NEBL: variants seen among roughly 807,000 people sequenced by gnomAD.
NEBL encodes nebulette.
A neutral mutation model predicts 140.2 loss-of-function variants in NEBL; 122 were observed. The observed-to-expected ratio is 0.87, with a 90% confidence interval of 0.75 to 1.01. The LOEUF is 1.01. Ranked by LOEUF, NEBL falls within the 50% of genes least tolerant of loss-of-function variation. NEBL has a pLI of 0.00. For synonymous variants in NEBL, 436 were observed against 398.9 expected, an observed-to-expected ratio of 1.09 and a Z score of -1.11; for missense variants, 1,365 against 1,231.3, an observed-to-expected ratio of 1.11 and a Z score of -1.62.
chr10:21,057,340 G>C (rs569943530), intron 2 of NEBL, among the ~76,000 whole-genome samples: 1 of 151,822 alleles, frequency 6.6e-6, no homozygotes, highest in Admixed American at 6.6e-5. Flanking sequence ...AGCATCTCAG[G>C]TAAAACAAAA....
intron 3 of NEBL, among the ~76,000 whole-genome samples, chr10:20,994,657 T>G (rs1837595934): frequency 6.6e-6 from 1 of 152,350 alleles, no homozygotes; most frequent in Non-Finnish European, 1.5e-5. Context: ...TAGCCTGCTA[T>G]TCACTGGAAG....
At chr10:20,878,077 G>A (rs1003985605) in intron 5 of NEBL, among the ~76,000 whole-genome samples, 2 of 152,098 alleles carry the variant, frequency 1.3e-5, no homozygotes, top group Admixed American at 1.3e-4. Flanking sequence ...TTACTGTTTG[G>A]AGATCATTTA....
At chr10:21,192,271 A>G (rs1252781355) in intron 3 of NEBL, among the ~76,000 whole-genome samples, 1 of 150,220 alleles carries the variant, frequency 6.7e-6, no homozygotes, top group Admixed American at 6.6e-5. Flanking sequence ...GGCTTACTGC[A>G]AGTTCTGCCT....
rs1564556739 is a variant in NEBL, at chr10:21,288,839, TATATATATATAA to T, written n.182+3979_182+3990del. 1.2e-4 allele frequency among the ~76,000 whole-genome samples: 10 copies of T among 86,572 alleles called. 2 individuals are homozygous for T. The highest frequency in any genetic ancestry group is 4.7e-4 in the African/African-American group (10 of 21,282). 56.8% of individuals were successfully genotyped at this position (86,572 alleles called of 152,430 possible). A position where few individuals can be genotyped will look rare whatever the true frequency, so the allele number is the denominator to read the frequency against. Reference sequence around the variant, plus strand: ...GTGTGTGTATATATATATATATATATATATATATATAAAAATTTTTTTTTTTTGAGACGGAGT... The same window carrying T: ...GTGTGTGTATATATATATATATATATAAATTTTTTTTTTTTGAGACGGAGT... On this transcript the variant is annotated intron_variant and non_coding_transcript_variant, in intron 1 of 8. Transcript: ENST00000675702.
intron 2 of NEBL, among the ~76,000 whole-genome samples, chr10:21,248,308 C>A (rs975739108): frequency 6.6e-6 from 1 of 151,536 alleles, no homozygotes; most frequent in African/African-American, 2.4e-5. Flanking sequence ...CCTTCTATTG[C>A]TCATACTTTT....
At chr10:21,057,816 C>G (rs1835099308) in intron 2 of NEBL, among the ~76,000 whole-genome samples, 1 of 152,126 alleles carries the variant, frequency 6.6e-6, no homozygotes, top group Admixed American at 6.6e-5. Flanking sequence ...CCGCCTTGGT[C>G]TCCCAAAGTG....
At chr10:21,271,613 C>T (rs550875535) in intron 1 of NEBL, among the ~76,000 whole-genome samples, 1 of 151,630 alleles carries the variant, frequency 6.6e-6, no homozygotes, top group Admixed American at 6.6e-5. Flanking sequence ...GCAACCTCCA[C>T]CTCCCAGGTT....
chr10:21,054,706 G>A (rs1046931974), intron 2 of NEBL, among the ~76,000 whole-genome samples: 3 of 152,058 alleles, frequency 2.0e-5, no homozygotes, highest in Non-Finnish European at 4.4e-5. Context: ...TTATGAAAAT[G>A]CCAAGCTCTG....
intron 2 of NEBL, among the ~76,000 whole-genome samples, chr10:21,117,684 C>T (rs1589251717): frequency 1.3e-5 from 2 of 152,210 alleles, no homozygotes; most frequent in South Asian, 4.1e-4. Context: ...AGAGTAATTT[C>T]AATCCTTTTT....
intron 2 of NEBL, among the ~76,000 whole-genome samples, chr10:21,052,838 A>T (rs1589178721): frequency 6.6e-6 from 1 of 152,154 alleles, no homozygotes; most frequent in East Asian, 1.9e-4. Flanking sequence ...CTCAGCCCCA[A>T]CCTGTTGTCA....
chr10:21,003,792 C>A (rs1335651954), intron 3 of NEBL, among the ~76,000 whole-genome samples: 1 of 152,158 alleles, frequency 6.6e-6, no homozygotes, highest in African/African-American at 2.4e-5. Context: ...TAGGAACTAG[C>A]CTTTGCTTAA....
chr10:20,844,801 G>A (rs540133592), intron 12 of NEBL, among the ~76,000 whole-genome samples: 1 of 152,164 alleles, frequency 6.6e-6, no homozygotes, highest in Non-Finnish European at 1.5e-5. Flanking sequence ...TGTCAAGAAA[G>A]GGAGAGAACT....
At chr10:21,229,429 G>A (rs950747086) in intron 3 of NEBL, among the ~76,000 whole-genome samples, 1 of 152,168 alleles carries the variant, frequency 6.6e-6, no homozygotes, top group South Asian at 2.1e-4. Flanking sequence ...TCAGAAAAAA[G>A]TGGGGGAGGG....
chr10:21,024,195 A>G (rs1282146439), intron 2 of NEBL, among the ~76,000 whole-genome samples: 4 of 152,182 alleles, frequency 2.6e-5, no homozygotes, highest in Non-Finnish European at 5.9e-5. Flanking sequence ...CTAGAAACAT[A>G]TAACAATGCT....
intron 4 of NEBL, among the ~76,000 whole-genome samples, chr10:20,931,842 C>T (rs769123336): frequency 6.6e-5 from 10 of 152,088 alleles, no homozygotes; most frequent in African/African-American, 2.4e-4. Context: ...ACTAACCAAG[C>T]CTATTTATTT....
chr10:21,051,722 A>G (rs1834787833), intron 2 of NEBL, among the ~76,000 whole-genome samples: 1 of 152,246 alleles, frequency 6.6e-6, no homozygotes, highest in Non-Finnish European at 1.5e-5. Context: ...GATTGGCAGG[A>G]TAATTTTCTT....
chr10:21,231,007 C>T (rs1186322120), intron 3 of NEBL, among the ~76,000 whole-genome samples: 2 of 152,200 alleles, frequency 1.3e-5, no homozygotes, highest in Non-Finnish European at 2.9e-5. Context: ...TACTGTATGT[C>T]TTCCGTCCAA....
At position 21,014,754 on chromosome 10, in the gene NEBL, C is replaced by T. The variant is rs1838487123; in HGVS notation, c.249+5363G>A. Among the ~76,000 whole-genome samples the T allele has an allele frequency of 2.0e-5, 3 of 152,210 alleles. No individual in the cohort carries two copies. In the South Asian group the frequency reaches 6.2e-4, roughly 32 times the overall value. On this transcript the variant is annotated intron_variant, in intron 3 of 6. Coordinates refer to the NEBL transcript ENST00000417816. ...CAAGGGCAAGCCACGTTACTGCCTT[C>T]TGGAGCTTCCAAAGGTTTATACTAA... is the stretch of plus-strand genomic sequence containing the variant.
chr10:20,817,805 T>G, intron 20 of NEBL, 113 bp from the exon 21 acceptor site: 2 of 867,082 alleles, frequency 2.3e-6, no homozygotes, highest in Non-Finnish European at 3.9e-6. Context: ...TTTCCACAGT[T>G]GATTACATCA....
Sources: gnomAD v4.1 joint callset for allele counts (sites outside exome capture counted in the v4.1 genomes callset) on GRCh38, gnomAD v4.1.1 for gene constraint, MANE v1.5 for transcripts, NCBI Gene and HGNC (gene_info 2026-07-23, HGNC 2026-07-21) for gene names.